Variants in ITPR1 observed in about 807,000 individuals in gnomAD.
The protein encoded by ITPR1 is inositol 1,4,5-trisphosphate receptor type 1.
ITPR1 carries 96 observed loss-of-function variants against 318.4 expected under a neutral mutation model. The observed-to-expected ratio is 0.30, with a 90% CI of 0.26 to 0.36. The LOEUF is 0.36. ITPR1 is among the 10% of genes least tolerant of loss of function. The pLI is 1.00. For synonymous variants in ITPR1, 1,312 were observed against 1,289.9 expected (o/e 1.02, Z -0.37); for missense variants, 2,440 against 3,460.2 (o/e 0.71, Z 7.40).
chr3:4,517,800 T>C (rs956274289), intron 3 of ITPR1, among the ~76,000 whole-genome samples: 5 of 152,216 alleles, frequency 3.3e-5, no homozygotes, highest in Non-Finnish European at 7.3e-5. Context: ...TCTTCATGGT[T>C]GGCTCCTTCC....
chr3:4,634,253 A>G (rs1215580059), intron 5 of ITPR1, among the ~76,000 whole-genome samples: 4 of 151,776 alleles, frequency 2.6e-5, no homozygotes, highest in African/African-American at 9.7e-5. Flanking sequence ...CCACTCTATC[A>G]CCCACGCTGG....
chr3:4,516,341 T>C, intron 2 of ITPR1, 135 bp from the exon 3 acceptor site: 1 of 531,776 alleles, frequency 1.9e-6, no homozygotes, highest in East Asian at 3.3e-5. Context: ...ATCGCCTGCC[T>C]GTCAAACTGT....
chr3:4,627,491 A>G (rs1442819104), intron 4 of ITPR1, among the ~76,000 whole-genome samples: 1 of 151,976 alleles, frequency 6.6e-6, no homozygotes, highest in African/African-American at 2.4e-5. Flanking sequence ...AGCAAAACAA[A>G]CAAAAAAAAC....
At chr3:4,539,447 C>A (rs375013352) in intron 4 of ITPR1, among the ~76,000 whole-genome samples, 2 of 152,098 alleles carry the variant, frequency 1.3e-5, no homozygotes, top group East Asian at 1.9e-4. Flanking sequence ...TTTTTTATCT[C>A]CTTGATCTAT....
chr3:4,584,265 C>A (rs1575607923), intron 4 of ITPR1, among the ~76,000 whole-genome samples: 1 of 152,058 alleles, frequency 6.6e-6, no homozygotes, highest in South Asian at 2.1e-4. Context: ...TCCCCCAAAC[C>A]AACTGGAATC....
At chr3:4,524,309 T>G (rs1363320935) in intron 4 of ITPR1, among the ~76,000 whole-genome samples, 9 of 149,628 alleles carry the variant, frequency 6.0e-5, no homozygotes, top group African/African-American at 2.0e-4. Flanking sequence ...ACGTTTTTTT[T>G]TTTTTTTTTT....
intron 4 of ITPR1, among the ~76,000 whole-genome samples, chr3:4,534,260 C>T (rs1285964719): frequency 1.3e-5 from 2 of 152,216 alleles, no homozygotes; most frequent in African/African-American, 2.4e-5. Context: ...ACCCGTACCA[C>T]CCCCACACCT....
chr3:4,747,262 G>T (rs1010696092), intron 44 of ITPR1, among the ~76,000 whole-genome samples: 2 of 152,190 alleles, frequency 1.3e-5, no homozygotes, highest in African/African-American at 4.8e-5. Flanking sequence ...TTCCTGGGGC[G>T]CCTATGTAGT....
intron 18 of ITPR1, 72 bp from the exon 19 acceptor site, chr3:4,669,582 G>T: frequency 6.8e-7 from 1 of 1,474,674 alleles, no homozygotes; most frequent in East Asian, 2.6e-5. Context: ...GTGCACTTAA[G>T]GAAGAATTGG....
In ITPR1 at chr3:4,846,376, C is replaced by G. The variant is rs1185372237; in HGVS notation, c.*151C>G. ...ATACTGTATGTATATGATTGCTACTCTAAAGGTTTGGATATATGTATTGTA... is the reference window on the plus strand; with the variant it reads ...ATACTGTATGTATATGATTGCTACTGTAAAGGTTTGGATATATGTATTGTA... On this transcript the variant is annotated 3_prime_UTR_variant, in exon 62 of 62. Coordinates refer to ENST00000649015, the MANE Select transcript of ITPR1 (RefSeq NM_001378452.1). The G allele has an allele frequency of 6.7e-6, 3 of 445,720 alleles. No homozygotes were observed. The highest frequency in any genetic ancestry group is 4.0e-6 in the Non-Finnish European group (1 of 252,520). 27.6% of individuals were successfully genotyped at this position (445,720 alleles called of 1,614,324 possible).
intron 4 of ITPR1, among the ~76,000 whole-genome samples, chr3:4,569,807 T>G (rs554574562): frequency 6.6e-6 from 1 of 152,240 alleles, no homozygotes; most frequent in Non-Finnish European, 1.5e-5. Flanking sequence ...TTTGTTCACA[T>G]TGAACTCTAG....
chr3:4,541,579 G>T (rs1229055478), intron 4 of ITPR1, among the ~76,000 whole-genome samples: 3 of 150,624 alleles, frequency 2.0e-5, no homozygotes, highest in African/African-American at 7.3e-5. Flanking sequence ...ATTTGAGGTT[G>T]TTTTTTGTTA....
chr3:4,787,428 C>T (rs2047269482), intron 51 of ITPR1, among the ~76,000 whole-genome samples: 1 of 149,612 alleles, frequency 6.7e-6, no homozygotes, highest in South Asian at 2.1e-4. Flanking sequence ...GGCACAGTGG[C>T]TCACGCCTGT....
chr3:4,608,326 G>C (rs769084875), intron 4 of ITPR1, among the ~76,000 whole-genome samples: 5 of 152,116 alleles, frequency 3.3e-5, no homozygotes, highest in African/African-American at 4.8e-5. Context: ...TTGAGGCAGA[G>C]GTGTCAAGTG....
intron 60 of ITPR1, among the ~76,000 whole-genome samples, chr3:4,832,016 G>T (rs1374552678): frequency 6.6e-6 from 1 of 152,188 alleles, no homozygotes; most frequent in Non-Finnish European, 1.5e-5. Context: ...GAACAGCTTG[G>T]CTAAAATTGC....
intron 52 of ITPR1, among the ~76,000 whole-genome samples, chr3:4,790,593 AT>A (rs1194618141): frequency 2.0e-5 from 3 of 152,224 alleles, no homozygotes; most frequent in African/African-American, 4.8e-5. Flanking sequence ...TTAAAATGAA[AT>A]GCATTTTCCC....
chr3:4,824,155 G>A (rs950513182), intron 60 of ITPR1, among the ~76,000 whole-genome samples: 10 of 152,308 alleles, frequency 6.6e-5, no homozygotes, highest in Non-Finnish European at 8.8e-5. Context: ...ATGGTAGCTA[G>A]AGTGTTCTGG....
chr3:4,598,165 TC>T (rs1300623991), intron 4 of ITPR1, among the ~76,000 whole-genome samples: 2 of 152,164 alleles, frequency 1.3e-5, no homozygotes, highest in Non-Finnish European at 2.9e-5. Context: ...CCTTCCCCTC[TC>T]CCCTGGTTGA....
At chr3:4,641,169 G>T (rs184004614) in intron 6 of ITPR1, among the ~76,000 whole-genome samples, 1 of 152,090 alleles carries the variant, frequency 6.6e-6, no homozygotes, top group Non-Finnish European at 1.5e-5. Context: ...ATTCCCTTCC[G>T]CTTTCTCTTA....
Sources: gnomAD v4.1 joint callset for allele counts (sites outside exome capture counted in the v4.1 genomes callset) on GRCh38, gnomAD v4.1.1 for gene constraint, MANE v1.5 for transcripts, NCBI Gene and HGNC (gene_info 2026-07-23, HGNC 2026-07-21) for gene names.